TSPEAR: variants seen among roughly 807,000 people sequenced by gnomAD.
TSPEAR encodes the protein thrombospondin-type laminin G domain and EAR repeat-containing protein.
TSPEAR carries 69 observed loss-of-function variants against 71.6 expected under a neutral mutation model. The ratio of observed to expected loss-of-function variants is 0.96; its 90% CI spans 0.79 to 1.18. TSPEAR has a LOEUF of 1.18. Ranked by LOEUF, TSPEAR falls within the 50% of genes most tolerant of loss-of-function variation. TSPEAR has a pLI of 0.00. For synonymous variants in TSPEAR, 402 were observed against 387.2 expected (o/e 1.04, Z -0.45); for missense variants, 971 against 894.9 (o/e 1.09, Z -1.09).
chr21:44,689,087 C>T (rs1986992514), intron 1 of TSPEAR, among the ~76,000 whole-genome samples: 1 of 152,096 alleles, frequency 6.6e-6, no homozygotes, highest in Non-Finnish European at 1.5e-5. Context: ...GAGAGGAGCC[C>T]GGGCAGCCCG....
intron 9 of TSPEAR, chr21:44,518,471 C>T: frequency 7.9e-6 from 3 of 378,800 alleles, no homozygotes; most frequent in Non-Finnish European, 1.6e-5. Flanking sequence ...CTCCAAAACG[C>T]ACTCCCCAAC....
chr21:44,631,289 T>A (rs1983242279), intron 1 of TSPEAR, among the ~76,000 whole-genome samples: 2 of 152,246 alleles, frequency 1.3e-5, no homozygotes. Flanking sequence ...AAATAGAAAT[T>A]CTGGAGTTGA....
In TSPEAR at chr21:44,702,408, C is replaced by G. The variant is rs546122263; in HGVS notation, c.82+9025G>C. 30 of 1,384,114 alleles carry G rather than the reference C, an allele frequency of 2.2e-5. No homozygotes were observed. The African/African-American group carries it at 2.8e-4, about 13-fold the overall frequency. The allele number at this position is 1,384,114 out of a possible 1,614,324, so 85.7% of individuals were successfully genotyped here. ...AGCCCAGCTCCTGCACGCCCTTGTGCTGCCAGCAGTCTAGCTGCCAGCCAG... is the reference window on the plus strand; with the variant it reads ...AGCCCAGCTCCTGCACGCCCTTGTGGTGCCAGCAGTCTAGCTGCCAGCCAG... On this transcript the variant is annotated intron_variant, in intron 1 of 11. Coordinates refer to ENST00000323084, the MANE Select transcript of TSPEAR (RefSeq NM_144991.3).
intron 1 of TSPEAR, among the ~76,000 whole-genome samples, chr21:44,692,494 T>C (rs994145176): frequency 7.9e-5 from 12 of 152,158 alleles, no homozygotes; most frequent in Non-Finnish European, 1.8e-4. Context: ...TAGAGCTTTA[T>C]TAAAGAATTC....
intron 9 of TSPEAR, chr21:44,510,963 T>G (rs1476975093): frequency 6.6e-6 from 1 of 152,168 alleles, no homozygotes; most frequent in African/African-American, 2.4e-5. Flanking sequence ...ACTATTCCTA[T>G]CTGCTGGAGA....
intron 2 of TSPEAR, chr21:44,557,918 GA>G (rs2053560541): frequency 9.1e-7 from 1 of 1,103,562 alleles, no homozygotes; most frequent in Non-Finnish European, 1.3e-6. Context: ...GAATCGGCAT[GA>G]AAGCTCAGCA....
At chr21:44,666,939 G>T (rs587628162) in intron 1 of TSPEAR, 17 of 1,566,766 alleles carry the variant, frequency 1.1e-5, no homozygotes, top group African/African-American at 5.4e-5. Context: ...GTCTGGGGAC[G>T]GCCTCCCTGG....
chr21:44,532,228 A>G (rs782402923), intron 3 of TSPEAR, among the ~76,000 whole-genome samples: 9 of 152,252 alleles, frequency 5.9e-5, no homozygotes, highest in Non-Finnish European at 1.3e-4. Context: ...CATTCGGGGA[A>G]CATTCCTAAT....
Position 44,574,855 on chromosome 21 carries a change from G to A in TSPEAR, c.83-6850C>T, listed in dbSNP as rs782611665. On this transcript the variant is annotated intron_variant, in intron 1 of 11. Coordinates refer to ENST00000323084, the MANE Select transcript of TSPEAR (RefSeq NM_144991.3). ...TCCTCCTCCGTGTCCCTCCTCTGCC[G>A]CCCCGTGTGCAGGCCCGCCTGCTGC... is the stretch of plus-strand genomic sequence containing the variant. 2.3e-5 allele frequency: 37 copies of A among 1,612,318 alleles called. No individual in the cohort carries two copies. The highest frequency in any genetic ancestry group is 4.1e-5 in the African/African-American group (3 of 73,972).
At chr21:44,625,585 G>A (rs1342833161) in intron 1 of TSPEAR, among the ~76,000 whole-genome samples, 5 of 152,250 alleles carry the variant, frequency 3.3e-5, no homozygotes, top group Non-Finnish European at 7.3e-5. Flanking sequence ...CTGAAACCCA[G>A]TCCTATCCCC....
chr21:44,553,285 A>G (rs1189815299), intron 2 of TSPEAR, among the ~76,000 whole-genome samples: 1 of 152,242 alleles, frequency 6.6e-6, no homozygotes, highest in African/African-American at 2.4e-5. Flanking sequence ...AACCAGGACT[A>G]GAAGCCAGCC....
At chr21:44,703,901 C>T (rs2329895) in intron 1 of TSPEAR, among the ~76,000 whole-genome samples, 4 of 152,000 alleles carry the variant, frequency 2.6e-5, no homozygotes, top group Admixed American at 6.5e-5. Flanking sequence ...GCTCCTGAGT[C>T]CCCCCAGCTG....
intron 1 of TSPEAR, among the ~76,000 whole-genome samples, chr21:44,705,576 C>CCG (rs1234397049): frequency 1.3e-5 from 2 of 152,194 alleles, no homozygotes; most frequent in Middle Eastern, 3.2e-3. Context: ...CTGGCCCCCC[C>CCG]GGGGCGTACC....
At chr21:44,560,959 A>C (rs2053624978) in intron 2 of TSPEAR, among the ~76,000 whole-genome samples, 1 of 152,242 alleles carries the variant, frequency 6.6e-6, no homozygotes, top group Non-Finnish European at 1.5e-5. Flanking sequence ...AAAGGCTAGC[A>C]GAAGACAAAA....
chr21:44,580,593 G>C, intron 1 of TSPEAR: 2 of 1,598,960 alleles, frequency 1.3e-6, no homozygotes, highest in Non-Finnish European at 1.7e-6. Flanking sequence ...GGGTGGGGAA[G>C]ACGTGAGCTG....
chr21:44,522,627 C>G (rs1378803858), intron 8 of TSPEAR, among the ~76,000 whole-genome samples: 2 of 152,220 alleles, frequency 1.3e-5, no homozygotes, highest in African/African-American at 2.4e-5. Flanking sequence ...CAGGCCGGCT[C>G]GTGGAGCTAC....
chr21:44,605,020 G>A (rs58029281), intron 1 of TSPEAR, among the ~76,000 whole-genome samples: 7,167 of 152,170 alleles, frequency 0.047, 246 homozygotes, highest in East Asian at 0.19. Flanking sequence ...ATCTATATTC[G>A]TCAAGGACGT....
chr21:44,555,498 G>A (rs940482991), intron 2 of TSPEAR, among the ~76,000 whole-genome samples: 17 of 152,088 alleles, frequency 1.1e-4, no homozygotes, highest in Admixed American at 5.9e-4. Flanking sequence ...TGCAGAAGCC[G>A]TGTTCCCTTA....
intron 1 of TSPEAR, among the ~76,000 whole-genome samples, chr21:44,628,775 C>G (rs1465473929): frequency 6.6e-6 from 1 of 152,152 alleles, no homozygotes; most frequent in Non-Finnish European, 1.5e-5. Flanking sequence ...TCCAGCTGTC[C>G]CAGCACTCAG....
Sources: gnomAD v4.1 joint callset for allele counts (sites outside exome capture counted in the v4.1 genomes callset) on GRCh38, gnomAD v4.1.1 for gene constraint, MANE v1.5 for transcripts, NCBI Gene and HGNC (gene_info 2026-07-23, HGNC 2026-07-21) for gene names.